Variants in GTF2I observed in about 807,000 individuals in gnomAD.
GTF2I encodes the protein general transcription factor IIi.
In GTF2I, 12 loss-of-function variants were observed where a neutral mutation model predicts 67.6. The ratio of observed to expected loss-of-function variants is 0.18; its 90% CI spans 0.11 to 0.29. The LOEUF is 0.29. Among genes scored for constraint, GTF2I ranks in the 10% least tolerant of loss-of-function variants. The pLI, the probability that GTF2I is intolerant of heterozygous loss-of-function variation, is 1.00. For missense variants in GTF2I, 271 were observed against 580.1 expected (o/e 0.47, Z 5.47); for synonymous variants, 149 against 197.0 (o/e 0.76, Z 2.04).
intron 12 of GTF2I, among the ~76,000 whole-genome samples, chr7:74,725,554 C>T (rs920344890): frequency 3.4e-5 from 5 of 148,402 alleles, no homozygotes; most frequent in African/African-American, 9.9e-5. Context: ...ATTAGCTGGG[C>T]GTGGTGGTGC....
chr7:74,658,379 G>T (rs1554384666), intron 1 of GTF2I, among the ~76,000 whole-genome samples: 1 of 146,404 alleles, frequency 6.8e-6, no homozygotes, highest in Non-Finnish European at 1.5e-5. Flanking sequence ...CAGTGCGCGT[G>T]GGGGAGGGGC....
chr7:74,725,775 G>C (rs1793690953), intron 12 of GTF2I, among the ~76,000 whole-genome samples: 2 of 151,376 alleles, frequency 1.3e-5, no homozygotes, highest in African/African-American at 4.9e-5. Context: ...TGATATCCCT[G>C]ATATTTTCAA....
At position 74,679,355 on chromosome 7, in the gene GTF2I, C is replaced by T. The variant is rs1225130624; in HGVS notation, c.-5-9769C>T. ...CCTCCCAAAATGCTGGGATTACAGG[C>T]GTGAGCCGCTGCCATATTTTCCATT... On this transcript the variant is annotated intron_variant, in intron 1 of 34. Coordinates refer to ENST00000573035, the MANE Select transcript of GTF2I (RefSeq NM_032999.4). 5.3e-5 allele frequency among the ~76,000 whole-genome samples: 8 copies of T among 152,160 alleles called. 1 individual carries two copies. The South Asian group carries it at 8.3e-4, about 16-fold the overall frequency.
intron 12 of GTF2I, among the ~76,000 whole-genome samples, chr7:74,720,452 G>C (rs1413871180): frequency 2.0e-5 from 3 of 152,084 alleles, no homozygotes; most frequent in Non-Finnish European, 4.4e-5. Context: ...CATACTTCAT[G>C]TGTTAACTTA....
At chr7:74,662,511 C>CTTTTTTTTTTTTTTTTTTTTT (rs1161320476) in intron 1 of GTF2I, among the ~76,000 whole-genome samples, 3 of 50,220 alleles carry the variant, frequency 6.0e-5, no homozygotes, top group Non-Finnish European at 6.8e-5. Context: ...CACCTGGACC[C>CTTTTTTTTTTTTTTTTTTTTT]TTTTTTTTTT....
At chr7:74,705,313 A>C in intron 7 of GTF2I, 95 bp downstream of exon 7, 1 of 763,170 alleles carries the variant, frequency 1.3e-6, no homozygotes, top group Non-Finnish European at 2.3e-6. Context: ...AAAAGGCCTC[A>C]TGTCACACAT....
At chr7:74,685,999 G>A (rs587641878) in intron 1 of GTF2I, among the ~76,000 whole-genome samples, 2 of 152,222 alleles carry the variant, frequency 1.3e-5, no homozygotes, top group Admixed American at 1.3e-4. Context: ...CTTGCAGTGA[G>A]CCGAGATCGT....
chr7:74,697,388 C>T (rs1012501287), intron 3 of GTF2I, among the ~76,000 whole-genome samples: 3 of 151,838 alleles, frequency 2.0e-5, no homozygotes, highest in Non-Finnish European at 4.4e-5. Context: ...AGCAAGACTC[C>T]GTCTCCAGAA....
At chr7:74,718,787 G>T in intron 11 of GTF2I, 92 bp from the exon 12 acceptor site, 1 of 614,494 alleles carries the variant, frequency 1.6e-6, no homozygotes, top group Non-Finnish European at 2.8e-6. Context: ...TTTATAGTAG[G>T]CTGCTTTTGG....
intron 6 of GTF2I, among the ~76,000 whole-genome samples, chr7:74,703,116 CT>C (rs587597408): frequency 2.0e-5 from 3 of 151,806 alleles, no homozygotes; most frequent in South Asian, 4.2e-4. Flanking sequence ...GTTTGTTTGT[CT>C]TTTTATTATT....
chr7:74,746,887 GT>G (rs782330589), intron 23 of GTF2I, among the ~76,000 whole-genome samples: 674 of 129,680 alleles, frequency 5.2e-3, no homozygotes, highest in African/African-American at 8.1e-3. Context: ...CGCCTCCCGG[GT>G]TCAAGTGATT....
intron 12 of GTF2I, among the ~76,000 whole-genome samples, chr7:74,724,193 T>G (rs188801861): frequency 1.4e-3 from 212 of 152,346 alleles, no homozygotes; most frequent in Middle Eastern, 3.4e-3. Flanking sequence ...TAAAGAGTTT[T>G]AGAGGAGCTA....
chr7:74,700,135 C>A, intron 4 of GTF2I, 112 bp from the exon 5 acceptor site: 1 of 1,075,306 alleles, frequency 9.3e-7, no homozygotes. Flanking sequence ...ATTTTGAAAT[C>A]ATATATTATA....
At chr7:74,685,118 C>T (rs75281209) in intron 1 of GTF2I, among the ~76,000 whole-genome samples, 1 of 152,304 alleles carries the variant, frequency 6.6e-6, no homozygotes, top group East Asian at 1.9e-4. Context: ...TAGAGGCTGA[C>T]TTGAAGTTAC....
intron 1 of GTF2I, among the ~76,000 whole-genome samples, chr7:74,687,142 C>T (rs113799564): frequency 0.018 from 2,762 of 152,172 alleles, 29 homozygotes; most frequent in South Asian, 0.036. Context: ...TCACCTGCCA[C>T]GGCCTCCCAA....
At chr7:74,691,172 A>G (rs147296703) in intron 3 of GTF2I, 61 bp downstream of exon 3, 3 of 1,178,418 alleles carry the variant, frequency 2.5e-6, no homozygotes, top group Non-Finnish European at 3.7e-6. Flanking sequence ...ATTTGTAGGT[A>G]AGACAAGTTA....
At chr7:74,722,322 A>G (rs1554404782) in intron 12 of GTF2I, among the ~76,000 whole-genome samples, 1 of 152,142 alleles carries the variant, frequency 6.6e-6, no homozygotes, top group African/African-American at 2.4e-5. Flanking sequence ...TCGGCCTTGG[A>G]CTAATAGGAC....
At chr7:74,725,413 G>GC (rs1481118086) in intron 12 of GTF2I, among the ~76,000 whole-genome samples, 5 of 152,120 alleles carry the variant, frequency 3.3e-5, no homozygotes, top group Non-Finnish European at 5.9e-5. Context: ...CCAGCTGGGT[G>GC]CGGTGGCTCA....
chr7:74,723,188 A>G (rs1233567718), intron 12 of GTF2I, among the ~76,000 whole-genome samples: 1 of 149,812 alleles, frequency 6.7e-6, no homozygotes, highest in East Asian at 1.9e-4. Flanking sequence ...CAGTGGCGCA[A>G]TCTCGGCTCA....
Sources: gnomAD v4.1 joint callset for allele counts (sites outside exome capture counted in the v4.1 genomes callset) on GRCh38, gnomAD v4.1.1 for gene constraint, MANE v1.5 for transcripts, NCBI Gene and HGNC (gene_info 2026-07-23, HGNC 2026-07-21) for gene names.